The following KRI1 variants were observed in gnomAD, a reference collection of about 807,000 sequenced individuals.
The protein encoded by KRI1 is protein KRI1 homolog.
In KRI1, 83 loss-of-function variants were observed where a neutral mutation model predicts 97.0. The ratio of observed to expected loss-of-function variants is 0.86; its 90% CI spans 0.72 to 1.03. KRI1 has a LOEUF of 1.03. Among genes scored for constraint, KRI1 ranks in the 50% least tolerant of loss-of-function variants. KRI1 has a pLI of 0.00. For synonymous variants in KRI1, 371 were observed against 363.5 expected (o/e 1.02, Z -0.23); for missense variants, 916 against 928.4 (o/e 0.99, Z 0.17).
Position 10,565,044 on chromosome 19 carries a change from G to T in KRI1, c.169-10C>A, listed in dbSNP as rs761901345. On this transcript the variant is annotated splice_polypyrimidine_tract_variant and intron_variant, in intron 2 of 18. Coordinates refer to ENST00000312962, the MANE Select transcript of KRI1 (RefSeq NM_023008.5). Reference sequence around the variant, plus strand: ...GCTGGGGATCAAATTCCTAGGGCAGGAAAAGGGTTGGGGATAGATTTCAGA... The same window carrying T: ...GCTGGGGATCAAATTCCTAGGGCAGTAAAAGGGTTGGGGATAGATTTCAGA... 5 of 1,569,538 alleles carry T rather than the reference G, an allele frequency of 3.2e-6. No individual in the cohort carries two copies. The African/African-American group carries it at 5.4e-5, about 17-fold the overall frequency.
rs1449553072 is a variant in KRI1, at chr19:10,553,950, C to T, written c.*1G>A. The T allele has an allele frequency of 1.9e-6, 3 of 1,593,166 alleles. No homozygotes were observed. Among genetic ancestry groups the T allele is most frequent in the African/African-American group, 1.3e-5 (1 of 74,372 alleles). ...TGAGGCCCCTGCCTGCTCCCTGGTGCTCAGGAGCTGTTCTTGGGCCCCTGT... is the reference window on the plus strand; with the variant it reads ...TGAGGCCCCTGCCTGCTCCCTGGTGTTCAGGAGCTGTTCTTGGGCCCCTGT... On this transcript the variant is annotated 3_prime_UTR_variant, in exon 19 of 19. Transcript: ENST00000312962.
In KRI1 at chr19:10,553,574, A is replaced by ATTT. The variant is rs1916383720; in HGVS notation, c.*376_*377insAAA. 4.2e-5 allele frequency: 4 copies of ATTT among 94,976 alleles called. No individual in the cohort carries two copies. The highest frequency in any genetic ancestry group is 6.6e-5 in the Non-Finnish European group (3 of 45,610). The allele number at this position is 94,976 out of a possible 1,614,324, so 5.9% of individuals were successfully genotyped here. A position where few individuals can be genotyped will look rare whatever the true frequency, so the allele number is the denominator to read the frequency against. On this transcript the variant is annotated 3_prime_UTR_variant, in exon 19 of 19. Transcript: ENST00000312962. ...TTACCCACAGCTACACGTGTTTTTT[A>ATTT]ATTTTTTTTTTTTTTTCAAGAGACA...
In KRI1 at chr19:10,557,581, G is replaced by A. The variant is rs2090263627; in HGVS notation, c.1588C>T (p.Pro530Ser). 1 of 1,614,154 alleles carries A rather than the reference G, an allele frequency of 6.2e-7. No individual in the cohort carries two copies. Among genetic ancestry groups the A allele is most frequent in the African/African-American group, 1.3e-5 (1 of 75,036 alleles). Reference protein sequence around the residue: ...PCRFKYRTVVPCDFGLSTEEI... With the variant: ...PCRFKYRTVVSCDFGLSTEEI... Reference sequence around the variant, plus strand: ...TCAGTGCTGAGGCCAAAGTCACAGGGCACCACTGTGCGGTACTTGAAGCGA... The same window carrying A: ...TCAGTGCTGAGGCCAAAGTCACAGGACACCACTGTGCGGTACTTGAAGCGA... Residue 530 changes from proline to serine, a missense_variant, in exon 16 of 19, where the codon CCC becomes TCC. Physicochemically the swap from Pro to Ser is moderately conservative, Grantham distance 74. This residue lies in a region of KRI1 where 672 missense variants were observed against 667.2 expected (regional missense o/e 1.01). Transcript: ENST00000312962.
rs762075368 is a variant in KRI1, at chr19:10,554,259, T to G, written c.1804A>C (p.Thr602Pro). ...GCTTCATCTCTCTGTGGCTTCCCTGTGGCTTCCGCAGGTGTCTCTGCCCTG... is the reference window on the plus strand; with the variant it reads ...GCTTCATCTCTCTGTGGCTTCCCTGGGGCTTCCGCAGGTGTCTCTGCCCTG... The part of the protein sequence containing the change: ...REEAETPAEA[T>P]GKPQRDEAGP... The change falls in exon 19 of 19, where the codon ACA becomes CCA. Residue 602 changes from threonine to proline, a missense_variant. Physicochemically the swap from Thr to Pro is conservative, Grantham distance 38. Around this residue, in one of 3 missense-constraint regions of KRI1, gnomAD observed 672 missense variants for 667.2 expected, o/e 1.01. Transcript: ENST00000312962. 6.2e-7 allele frequency: 1 copy of G among 1,613,888 alleles called. No individual in the cohort carries two copies. The highest frequency in any genetic ancestry group is 8.5e-7 in the Non-Finnish European group (1 of 1,179,970).
intron 18 of KRI1, 120 bp downstream of exon 18, chr19:10,554,967 G>A (rs1033763004): frequency 6.5e-5 from 49 of 753,042 alleles, no homozygotes; most frequent in Non-Finnish European, 9.7e-5. Flanking sequence ...TTCGAACCCA[G>A]GTCTCAGAGC....
intron 3 of KRI1, among the ~76,000 whole-genome samples, chr19:10,563,789 A>C (rs1916770109): frequency 6.6e-6 from 1 of 152,194 alleles, no homozygotes; most frequent in South Asian, 2.1e-4. Context: ...CAGCCTCCCA[A>C]ATACCTGGGA....
rs1002155710 is a variant in KRI1 at position 10,565,659 on chromosome 19, G to A, written c.168+58C>T. On this transcript the variant is annotated intron_variant, in intron 2 of 18. Coordinates refer to ENST00000312962, the MANE Select transcript of KRI1 (RefSeq NM_023008.5). ...TTCCCCCCCGTCTACATCGGGGTCG[G>A]GGTGCAGAGGGGGGCTTGGACGCCT... 12 of 1,512,652 alleles carry A rather than the reference G, an allele frequency of 7.9e-6. No homozygotes were observed. The African/African-American group carries it at 1.6e-4, about 20-fold the overall frequency. 93.7% of individuals were successfully genotyped at this position (1,512,652 alleles called of 1,614,324 possible).
In KRI1 at chr19:10,557,608, A is replaced by T. The variant is rs1469785519; in HGVS notation, c.1561T>A (p.Cys521Ser). Residue 521 changes from cysteine (C) to serine (S), a missense_variant, in exon 16 of 19, where the codon TGT becomes AGT. By Grantham distance (112) the Cys-to-Ser change is moderately radical. Coordinates refer to ENST00000312962, the MANE Select transcript of KRI1 (RefSeq NM_023008.5). ...DYEDIIDDLP[C>S]RFKYRTVVPC... ...ACCACTGTGCGGTACTTGAAGCGAC[A>T]GGGCAGGTCGTCGATGATGTCCTCG... 1 of 1,614,070 alleles carries T rather than the reference A, an allele frequency of 6.2e-7. No homozygotes were observed. The highest frequency in any genetic ancestry group is 8.5e-7 in the Non-Finnish European group (1 of 1,180,014).
chr19:10,561,551 C>A, intron 6 of KRI1, 116 bp downstream of exon 6: 1 of 1,041,546 alleles, frequency 9.6e-7, no homozygotes, highest in Non-Finnish European at 1.5e-6. Flanking sequence ...CCCCGTTTAA[C>A]TGATGAGGAA....
chr19:10,559,327 A>G (rs1916616093), intron 12 of KRI1, 32 bp downstream of exon 12: 1 of 1,601,616 alleles, frequency 6.2e-7, no homozygotes, highest in Non-Finnish European at 8.5e-7. Flanking sequence ...GTGTGAACTC[A>G]GCGTCATGTT....
At chr19:10,565,126 G>A in intron 2 of KRI1, 92 bp from the exon 3 acceptor site, 1 of 821,906 alleles carries the variant, frequency 1.2e-6, no homozygotes, top group Non-Finnish European at 2.1e-6. Flanking sequence ...GGATTAGGAT[G>A]GAGGGGGGTG....
At chr19:10,565,349 C>T (rs1916830637) in intron 2 of KRI1, 5 of 529,308 alleles carry the variant, frequency 9.4e-6, no homozygotes, top group Non-Finnish European at 1.7e-5. Context: ...TGGGCCAGGC[C>T]GCACAGTGGG....
intron 16 of KRI1, among the ~76,000 whole-genome samples, chr19:10,556,910 G>A (rs1280857476): frequency 6.6e-6 from 1 of 151,708 alleles, no homozygotes; most frequent in East Asian, 2.0e-4. Flanking sequence ...GGCTGAGGTA[G>A]GAGGATCAAT....
At chr19:10,555,476 A>G (rs1478434238) in intron 16 of KRI1, 127 bp from the exon 17 acceptor site, 7 of 960,028 alleles carry the variant, frequency 7.3e-6, no homozygotes, top group Non-Finnish European at 1.2e-5. Flanking sequence ...CATGATGGCC[A>G]GAGACAGCTG....
chr19:10,559,632 G>A lies in KRI1; in HGVS notation c.1004C>T (p.Thr335Ile). 1 of 1,614,020 alleles carries A rather than the reference G, an allele frequency of 6.2e-7. No individual in the cohort carries two copies. The highest frequency in any genetic ancestry group is 1.6e-4 in the Middle Eastern group (1 of 6,062). ...DERRKEKREE[T>I]RERKKREKAK... Reference sequence around the variant, plus strand: ...ACTCACCCTCTTCTTTCGCTCCCGAGTCTCTTCCCTCTTCTCCTTTCTGCG... The same window carrying A: ...ACTCACCCTCTTCTTTCGCTCCCGAATCTCTTCCCTCTTCTCCTTTCTGCG... Residue 335 changes from threonine to isoleucine, a missense_variant, in exon 11 of 19, where the codon ACT becomes ATT. By Grantham distance (89) the Thr-to-Ile change is moderately conservative. Transcript: ENST00000312962.
Position 10,558,008 on chromosome 19 carries a change from G to C in KRI1, c.1323C>G (p.Ser441Arg). 2 of 1,614,066 alleles carry C rather than the reference G, an allele frequency of 1.2e-6. No individual in the cohort carries two copies. The highest frequency in any genetic ancestry group is 1.7e-6 in the Non-Finnish European group (2 of 1,180,010). Residue 441 changes from serine (S) to arginine (R), a missense_variant, in exon 14 of 19, where the codon AGC becomes AGG. Ser to Arg is a moderately radical substitution (Grantham distance 110). Transcript: ENST00000312962. ...GGTCCTCACAGTGCAGCTCCTGCTG[G>C]CTCCAGTCTCCCTCCTGCTCAGGCC... Reference protein sequence around the residue: ...WDGPEQEGDWSQQELHCEDPN... With the variant: ...WDGPEQEGDWRQQELHCEDPN...
intron 13 of KRI1, 44 bp downstream of exon 13, chr19:10,558,120 T>TC (rs765820401): frequency 1.2e-6 from 2 of 1,611,880 alleles, no homozygotes; most frequent in Non-Finnish European, 1.7e-6. Context: ...TCAGTCCCAG[T>TC]CCCCAGTCCC....
At chr19:10,558,128 C>T in intron 13 of KRI1, 36 bp downstream of exon 13, 2 of 1,613,350 alleles carry the variant, frequency 1.2e-6, no homozygotes, top group South Asian at 2.2e-5. Context: ...AGTCCCCAGT[C>T]CCCAATCCCC....
At position 10,557,621 on chromosome 19, in the gene KRI1, G is replaced by A. The variant is rs558559887; in HGVS notation, c.1548C>T (p.Ile516=). The change falls in exon 16 of 19, where the codon ATC becomes ATT. Residue 516 remains isoleucine, a synonymous_variant. Transcript: ENST00000312962. ...ACTTGAAGCGACAGGGCAGGTCGTC[G>A]ATGATGTCCTCGTAGTCCAGCCGGT... is the stretch of plus-strand genomic sequence containing the variant. ...EYYRLDYEDI[I]DDLPCRFKYR... is the part of the protein sequence containing the mutation. 46 of 1,614,148 alleles carry A rather than the reference G, an allele frequency of 2.8e-5. 1 individual carries two copies. In the East Asian group the frequency reaches 6.2e-4, roughly 22 times the overall value.
Sources: allele counts gnomAD v4.1 joint callset (sites outside exome capture counted in the v4.1 genomes callset), GRCh38; gene constraint gnomAD v4.1.1; regional missense constraint gnomAD v4.1.1; transcripts MANE v1.5; gene names NCBI Gene and HGNC (gene_info 2026-07-23, HGNC 2026-07-21).